The following PTGER4 variants were observed in gnomAD, a reference collection of about 807,000 sequenced individuals.
The protein encoded by PTGER4 is prostaglandin E2 receptor EP4 subtype.
In PTGER4, 11 loss-of-function variants were observed where a neutral mutation model predicts 33.2. The observed-to-expected ratio is 0.33, with a 90% CI of 0.21 to 0.55. PTGER4 has a LOEUF of 0.55. Among genes scored for constraint, PTGER4 ranks in the 20% least tolerant of loss-of-function variants. PTGER4 has a pLI of 0.92. For synonymous variants in PTGER4, 275 were observed against 281.5 expected (o/e 0.98, Z 0.23); for missense variants, 481 against 650.2 (o/e 0.74, Z 2.83).
chr5:40,707,244 TAA>T, the PTGER4 span, among the ~76,000 whole-genome samples: 2 of 151,914 alleles, frequency 1.3e-5, no homozygotes, highest in African/African-American at 4.8e-5. Context: ...GCAAATTGGA[TAA>T]AGAGTCAAGA....
chr5:40,699,521 T>C, the PTGER4 span, among the ~76,000 whole-genome samples: 1 of 152,108 alleles, frequency 6.6e-6, no homozygotes, highest in Non-Finnish European at 1.5e-5. Context: ...CAACATATCA[T>C]GACTTGAAAA....
intron 2 of PTGER4, among the ~76,000 whole-genome samples, chr5:40,690,582 G>A (rs188389917): frequency 6.6e-6 from 1 of 152,350 alleles, no homozygotes; most frequent in Admixed American, 6.5e-5. Flanking sequence ...CTGGGGAACA[G>A]AGTCATAGAG....
At chr5:40,742,984 T>C in the PTGER4 span, among the ~76,000 whole-genome samples, 2 of 152,224 alleles carry the variant, frequency 1.3e-5, no homozygotes, top group Non-Finnish European at 2.9e-5. Context: ...CAAATTATTC[T>C]AAGAGCTGAA....
At position 40,681,544 on chromosome 5, in the gene PTGER4, A is replaced by G. The variant is rs1460846222; in HGVS notation, c.551A>G (p.Tyr184Cys). 6.2e-7 allele frequency: 1 copy of G among 1,611,926 alleles called. No homozygotes were observed. The highest frequency in any genetic ancestry group is 8.5e-7 in the Non-Finnish European group (1 of 1,179,892). Reference sequence around the variant, plus strand: ...ACCAACGTGACGGCGCACGCCGCCTACTCCTACATGTACGCGGGCTTCAGC... The same window carrying G: ...ACCAACGTGACGGCGCACGCCGCCTGCTCCTACATGTACGCGGGCTTCAGC... ...WTTNVTAHAA[Y>C]SYMYAGFSSF... Residue 184 changes from tyrosine to cysteine, a missense_variant, in exon 2 of 3, where the codon TAC becomes TGC. Around this residue, in one of 7 missense-constraint regions of PTGER4, gnomAD observed 174 missense variants for 210.5 expected, o/e 0.83. Transcript: ENST00000302472. The surrounding 1 kb of genome is among the most constrained non-coding windows in gnomAD (Gnocchi z 9.8).
chr5:40,745,732 T>C, the PTGER4 span, among the ~76,000 whole-genome samples: 16 of 150,224 alleles, frequency 1.1e-4, no homozygotes, highest in African/African-American at 3.9e-4. Flanking sequence ...AGATATACGA[T>C]TTATTTATTT....
the PTGER4 span, among the ~76,000 whole-genome samples, chr5:40,735,202 T>C: frequency 6.6e-6 from 1 of 152,190 alleles, no homozygotes; most frequent in Non-Finnish European, 1.5e-5. Flanking sequence ...TGATGAAGAA[T>C]CCACAGAGTT....
At chr5:40,741,287 T>C in the PTGER4 span, among the ~76,000 whole-genome samples, 12 of 151,558 alleles carry the variant, frequency 7.9e-5, no homozygotes, top group African/African-American at 2.7e-4. Context: ...CCTCTAGGGA[T>C]AGTGTAGTCA....
chr5:40,704,268 T>C, the PTGER4 span, among the ~76,000 whole-genome samples: 100 of 152,288 alleles, frequency 6.6e-4, no homozygotes, highest in Middle Eastern at 3.4e-3. Flanking sequence ...AGAAAGACTT[T>C]TGATAAAATT....
chr5:40,704,545 ATC>A, the PTGER4 span, among the ~76,000 whole-genome samples: 9 of 152,096 alleles, frequency 5.9e-5, no homozygotes, highest in South Asian at 1.9e-3. Flanking sequence ...AAATCAAACT[ATC>A]TCTGTTTGCA....
chr5:40,731,374 A>G, the PTGER4 span, among the ~76,000 whole-genome samples: 1 of 152,040 alleles, frequency 6.6e-6, no homozygotes, highest in Admixed American at 6.6e-5. Flanking sequence ...ACATACACAC[A>G]CACACATCTG....
the PTGER4 span, among the ~76,000 whole-genome samples, chr5:40,733,681 G>A: frequency 6.6e-6 from 1 of 152,176 alleles, no homozygotes; most frequent in Non-Finnish European, 1.5e-5. Flanking sequence ...AAGGCAAAGA[G>A]CAAGCCTGCA....
At chr5:40,723,154 A>T in the PTGER4 span, among the ~76,000 whole-genome samples, 2 of 152,140 alleles carry the variant, frequency 1.3e-5, no homozygotes, top group Non-Finnish European at 2.9e-5. Flanking sequence ...GTGCTCTCTG[A>T]AACATGTGCT....
At chr5:40,704,439 C>T in the PTGER4 span, among the ~76,000 whole-genome samples, 1 of 152,296 alleles carries the variant, frequency 6.6e-6, no homozygotes, top group South Asian at 2.1e-4. Flanking sequence ...CAAGGATGCC[C>T]TCTCTCACCA....
chr5:40,729,828 A>G, the PTGER4 span, among the ~76,000 whole-genome samples: 1 of 152,250 alleles, frequency 6.6e-6, no homozygotes, highest in Non-Finnish European at 1.5e-5. Context: ...CCTCTCAAGT[A>G]GCTGGGACTA....
At chr5:40,723,938 TTAGTA>T in the PTGER4 span, among the ~76,000 whole-genome samples, 5 of 152,128 alleles carry the variant, frequency 3.3e-5, no homozygotes, top group Admixed American at 6.5e-5. Flanking sequence ...TTGTATATTG[TTAGTA>T]AAAATGCAAA....
At chr5:40,703,902 CAAAAAAAAAAAAAAAAAAAAAAAAAA>C in the PTGER4 span, among the ~76,000 whole-genome samples, 21 of 37,262 alleles carry the variant, frequency 5.6e-4, no homozygotes, top group East Asian at 7.4e-3. Flanking sequence ...GACGCCGTCT[CAAAAAAAAAAAAAAAAAAAAAAAAAA>C]AAAAAAAAAA....
intron 2 of PTGER4, among the ~76,000 whole-genome samples, chr5:40,682,286 G>A (rs770606845): frequency 7.2e-5 from 11 of 152,172 alleles, no homozygotes; most frequent in Non-Finnish European, 1.2e-4. Context: ...TGATCTGTTC[G>A]TTGTAAACCA....
chr5:40,717,492 A>G, the PTGER4 span, among the ~76,000 whole-genome samples: 1 of 152,206 alleles, frequency 6.6e-6, no homozygotes, highest in African/African-American at 2.4e-5. Context: ...CCTCAGCACT[A>G]CTGACATATT....
the PTGER4 span, among the ~76,000 whole-genome samples, chr5:40,731,473 G>A: frequency 6.6e-6 from 1 of 152,178 alleles, no homozygotes; most frequent in Admixed American, 6.5e-5. Flanking sequence ...AGTACCACAG[G>A]GCTGGGGAGG....
Sources: allele counts gnomAD v4.1 joint callset (sites outside exome capture counted in the v4.1 genomes callset), GRCh38; gene constraint gnomAD v4.1.1; regional missense constraint gnomAD v4.1.1; non-coding constraint Gnocchi (gnomAD v3.1); transcripts MANE v1.5; gene names NCBI Gene and HGNC (gene_info 2026-07-23, HGNC 2026-07-21).